CNTNAP2: variants seen among roughly 807,000 people sequenced by gnomAD.
CNTNAP2 encodes the protein contactin-associated protein-like 2.
Under a neutral mutation model 155.2 loss-of-function variants are expected in CNTNAP2, and 98 were observed. That is an observed-to-expected ratio of 0.63 (90% CI 0.54 to 0.75). The LOEUF (loss-of-function observed/expected upper bound fraction) is 0.75, where lower values mean the gene tolerates loss of function less well. Ranked by LOEUF, CNTNAP2 falls within the 30% of genes least tolerant of loss-of-function variation. CNTNAP2 has a pLI of 0.00. For synonymous variants in CNTNAP2, 651 were observed against 631.2 expected (o/e 1.03, Z -0.47); for missense variants, 1,727 against 1,688.1 (o/e 1.02, Z -0.40).
chr7:148,000,840 A>G (rs1292520821), intron 15 of CNTNAP2, among the ~76,000 whole-genome samples: 1 of 152,204 alleles, frequency 6.6e-6, no homozygotes, highest in Non-Finnish European at 1.5e-5. Context: ...ACTTCTCTCA[A>G]CAGTTCTGGA....
At chr7:147,319,073 A>G (rs1795293363) in intron 9 of CNTNAP2, among the ~76,000 whole-genome samples, 1 of 152,166 alleles carries the variant, frequency 6.6e-6, no homozygotes, top group Admixed American at 6.5e-5. Context: ...TACAGTTACT[A>G]ATAATTTATT....
At chr7:146,903,823 A>G (rs1281465173) in intron 3 of CNTNAP2, among the ~76,000 whole-genome samples, 3 of 152,200 alleles carry the variant, frequency 2.0e-5, no homozygotes, top group Non-Finnish European at 4.4e-5. Flanking sequence ...GACTGCCATT[A>G]GTAATAATGT....
At chr7:146,877,317 C>T (rs928877293) in intron 3 of CNTNAP2, among the ~76,000 whole-genome samples, 6 of 87,114 alleles carry the variant, frequency 6.9e-5, no homozygotes, top group African/African-American at 3.5e-4. Context: ...GCCTGGGTAA[C>T]ATAGTGAGAC....
At chr7:147,552,174 T>G (rs1450507115) in intron 11 of CNTNAP2, among the ~76,000 whole-genome samples, 1 of 152,168 alleles carries the variant, frequency 6.6e-6, no homozygotes, top group Admixed American at 6.5e-5. Flanking sequence ...GGCGGTGTAT[T>G]TTGTTTGTTT....
intron 21 of CNTNAP2, among the ~76,000 whole-genome samples, chr7:148,374,560 G>T (rs1730402): frequency 0.71 from 108,621 of 151,924 alleles, 39,987 homozygotes; most frequent in Admixed American, 0.81. Context: ...TCATTTTTTT[G>T]TATGGTGTTG....
intron 9 of CNTNAP2, among the ~76,000 whole-genome samples, chr7:147,383,456 A>G (rs1255565588): frequency 2.0e-5 from 3 of 152,322 alleles, no homozygotes; most frequent in Non-Finnish European, 4.4e-5. Flanking sequence ...GTGTCAACAA[A>G]TATTTTTAAA....
intron 1 of CNTNAP2, among the ~76,000 whole-genome samples, chr7:146,610,457 C>T (rs1355243883): frequency 6.6e-6 from 1 of 151,926 alleles, no homozygotes; most frequent in Non-Finnish European, 1.5e-5. Flanking sequence ...TGGGATAATG[C>T]TAAAAATGTG....
chr7:147,463,904 T>A (rs1798067141), intron 10 of CNTNAP2, among the ~76,000 whole-genome samples: 1 of 142,338 alleles, frequency 7.0e-6, no homozygotes, highest in Non-Finnish European at 1.5e-5. Flanking sequence ...GTTTCTTCAG[T>A]CTACAAATAC....
chr7:147,332,651 C>G (rs1215665742), intron 9 of CNTNAP2, among the ~76,000 whole-genome samples: 1 of 152,090 alleles, frequency 6.6e-6, no homozygotes, highest in Non-Finnish European at 1.5e-5. Context: ...ATCACAAACT[C>G]TGAAGTTCGA....
intron 1 of CNTNAP2, among the ~76,000 whole-genome samples, chr7:146,658,318 C>T (rs1429201729): frequency 6.6e-6 from 1 of 150,950 alleles, no homozygotes; most frequent in Non-Finnish European, 1.5e-5. Flanking sequence ...GAATTCTGAG[C>T]TAAGTTATAG....
At chr7:147,302,484 G>A (rs570319318) in intron 9 of CNTNAP2, among the ~76,000 whole-genome samples, 1 of 152,286 alleles carries the variant, frequency 6.6e-6, no homozygotes, top group East Asian at 1.9e-4. Flanking sequence ...TCTGCCTTTA[G>A]GATATACTGT....
chr7:147,690,159 C>CT (rs1796067505), intron 13 of CNTNAP2, among the ~76,000 whole-genome samples: 1 of 152,116 alleles, frequency 6.6e-6, no homozygotes, highest in Non-Finnish European at 1.5e-5. Context: ...ACACTTTTCT[C>CT]TGTGTTGTGG....
chr7:146,799,797 C>G (rs1802841172), intron 2 of CNTNAP2, among the ~76,000 whole-genome samples: 1 of 152,094 alleles, frequency 6.6e-6, no homozygotes, highest in Non-Finnish European at 1.5e-5. Context: ...ATTTCTGGAC[C>G]TCTATCTCTT....
intron 13 of CNTNAP2, among the ~76,000 whole-genome samples, chr7:147,697,354 G>A (rs1384247288): frequency 5.9e-5 from 9 of 151,594 alleles, no homozygotes; most frequent in Admixed American, 1.3e-4. Context: ...TAATTCCAAC[G>A]TCCCTACCAT....
chr7:148,346,801 A>G (rs987145941), intron 21 of CNTNAP2, among the ~76,000 whole-genome samples: 2 of 151,100 alleles, frequency 1.3e-5, no homozygotes, highest in South Asian at 4.2e-4. Flanking sequence ...AAAAAAAATT[A>G]ATGGTTAAAA....
intron 19 of CNTNAP2, among the ~76,000 whole-genome samples, chr7:148,219,983 T>C (rs1795715388): frequency 1.3e-5 from 2 of 152,266 alleles, no homozygotes; most frequent in Admixed American, 1.3e-4. Flanking sequence ...CTCTAGGAAA[T>C]GCACTGTTGC....
chr7:146,514,201 C>G (rs1797509020), intron 1 of CNTNAP2, among the ~76,000 whole-genome samples: 1 of 151,902 alleles, frequency 6.6e-6, no homozygotes, highest in Non-Finnish European at 1.5e-5. Flanking sequence ...ATTATATGAC[C>G]TGGGATAGTA....
chr7:147,946,510 A>C (rs1922887), intron 14 of CNTNAP2, among the ~76,000 whole-genome samples: 33,318 of 151,966 alleles, frequency 0.22, 3,891 homozygotes, highest in Middle Eastern at 0.32. Flanking sequence ...AAGGTTTTAC[A>C]CAAAACTTTA....
intron 12 of CNTNAP2, among the ~76,000 whole-genome samples, chr7:147,617,148 T>G (rs1801309018): frequency 6.6e-6 from 1 of 152,204 alleles, no homozygotes; most frequent in African/African-American, 2.4e-5. Context: ...CTTCTCCTTC[T>G]TCATGCGACA....
Sources: allele counts gnomAD v4.1 joint callset (sites outside exome capture counted in the v4.1 genomes callset), GRCh38; gene constraint gnomAD v4.1.1; transcripts MANE v1.5; gene names NCBI Gene and HGNC (gene_info 2026-07-23, HGNC 2026-07-21).